Variants in CCDC171 observed in about 807,000 individuals in gnomAD.
CCDC171 encodes coiled-coil domain-containing protein 171.
CCDC171 carries 177 observed loss-of-function variants against 168.2 expected under a neutral mutation model. The ratio of observed to expected loss-of-function variants is 1.05; its 90% CI spans 0.93 to 1.19. The LOEUF (loss-of-function observed/expected upper bound fraction) is 1.19. CCDC171 is among the 50% of genes most tolerant of loss of function. The pLI is 0.00. For synonymous variants in CCDC171, 687 were observed against 540.8 expected (o/e 1.27, Z -3.75); for missense variants, 1,991 against 1,539.0 (o/e 1.29, Z -4.91).
Position 15,553,114 on chromosome 9 carries a change from T to A in CCDC171, c.-300T>A, listed in dbSNP as rs1332683446. On this transcript the variant is annotated 5_prime_UTR_variant, in exon 1 of 26. Coordinates refer to ENST00000380701, the MANE Select transcript of CCDC171 (RefSeq NM_173550.4). ...GGAAGTGGCAGTTGTAAACTTCACC[T>A]CCCGGGGGCTCTTCCCCTTCTGTAC... 6.6e-6 allele frequency: 1 copy of A among 152,508 alleles called. No individual in the cohort carries two copies. The highest frequency in any genetic ancestry group is 1.5e-5 in the Non-Finnish European group (1 of 68,310). 9.4% of individuals were successfully genotyped at this position (152,508 alleles called of 1,614,324 possible). A position where few individuals can be genotyped will look rare whatever the true frequency, so the allele number is the denominator to read the frequency against.
At chr9:16,071,572 A>C in the CCDC171 span, among the ~76,000 whole-genome samples, 1 of 152,164 alleles carries the variant, frequency 6.6e-6, no homozygotes, top group South Asian at 2.1e-4. Context: ...ATACATTCCC[A>C]CATGTGCGTC....
Position 15,740,597 on chromosome 9 carries a change from G to C in CCDC171, c.2050-3676G>C, listed in dbSNP as rs565983578. ...TTACAGGCCTGTGCCATCATGACTG[G>C]CTAATTGTTTTTTTGTATTTTAAGT... On this transcript the variant is annotated intron_variant, in intron 16 of 25. Transcript: ENST00000380701. Among the ~76,000 whole-genome samples, 35 of 152,134 alleles carry C rather than the reference G, an allele frequency of 2.3e-4. No individual in the cohort carries two copies. In the South Asian group the frequency reaches 6.4e-3, roughly 28 times the overall value.
At chr9:16,001,423 G>C (rs1832541756) in intron 3 of CCDC171, among the ~76,000 whole-genome samples, 1 of 151,984 alleles carries the variant, frequency 6.6e-6, no homozygotes, top group Admixed American at 6.6e-5. Context: ...TGTGTAGAGA[G>C]AGTTTTCTCA....
intron 16 of CCDC171, among the ~76,000 whole-genome samples, chr9:15,742,895 C>T (rs1025074514): frequency 2.0e-5 from 3 of 152,044 alleles, no homozygotes; most frequent in Non-Finnish European, 2.9e-5. Flanking sequence ...CACCTTCACC[C>T]TCTTGAGTAG....
At chr9:15,635,384 A>G (rs1184033811) in intron 7 of CCDC171, among the ~76,000 whole-genome samples, 2 of 152,194 alleles carry the variant, frequency 1.3e-5, no homozygotes, top group Admixed American at 6.5e-5. Context: ...TACTGTATAT[A>G]TATATAAATC....
At chr9:15,862,447 A>G (rs1588899084) in intron 23 of CCDC171, among the ~76,000 whole-genome samples, 2 of 151,626 alleles carry the variant, frequency 1.3e-5, no homozygotes, top group East Asian at 3.9e-4. Context: ...TTGTTCATGT[A>G]TTATTTTTCT....
At chr9:15,631,175 G>C (rs868653932) in intron 7 of CCDC171, among the ~76,000 whole-genome samples, 31 of 151,934 alleles carry the variant, frequency 2.0e-4, no homozygotes, top group Admixed American at 7.2e-4. Context: ...TAAAATCAGA[G>C]CAGAACTGAA....
At chr9:15,596,541 A>C (rs1051431311) in intron 6 of CCDC171, among the ~76,000 whole-genome samples, 1 of 152,076 alleles carries the variant, frequency 6.6e-6, no homozygotes, top group African/African-American at 2.4e-5. Flanking sequence ...TGTTTTGGTT[A>C]CTGTAGCCTT....
At chr9:15,645,016 C>G (rs1316642670) in intron 7 of CCDC171, among the ~76,000 whole-genome samples, 2 of 152,336 alleles carry the variant, frequency 1.3e-5, no homozygotes, top group African/African-American at 4.8e-5. Context: ...TGATGCCTCA[C>G]ACGGCTGGGT....
the CCDC171 span, among the ~76,000 whole-genome samples, chr9:16,102,202 G>T: frequency 0.018 from 2,774 of 152,266 alleles, 66 homozygotes; most frequent in African/African-American, 0.062. Flanking sequence ...CAGTCAAAGA[G>T]CAGGGCTAGA....
At chr9:16,000,081 T>G (rs1462633400) in intron 3 of CCDC171, among the ~76,000 whole-genome samples, 1 of 152,210 alleles carries the variant, frequency 6.6e-6, no homozygotes, top group Non-Finnish European at 1.5e-5. Context: ...GAAGCATTTT[T>G]TAACTGGATG....
At chr9:15,786,348 G>T (rs1232839367) in intron 21 of CCDC171, among the ~76,000 whole-genome samples, 2 of 151,796 alleles carry the variant, frequency 1.3e-5, no homozygotes, top group Non-Finnish European at 2.9e-5. Flanking sequence ...AATATTCATT[G>T]TGGAAAAATA....
At chr9:15,866,721 T>A (rs955272530) in intron 23 of CCDC171, among the ~76,000 whole-genome samples, 4 of 151,966 alleles carry the variant, frequency 2.6e-5, no homozygotes, top group Non-Finnish European at 4.4e-5. Flanking sequence ...GTATAGCAAT[T>A]GACAGGAGAA....
intron 25 of CCDC171, among the ~76,000 whole-genome samples, chr9:15,958,441 C>T (rs770308581): frequency 6.6e-6 from 1 of 151,052 alleles, no homozygotes; most frequent in African/African-American, 2.4e-5. Flanking sequence ...TAGTGCAGGT[C>T]TAAGCAAACA....
At chr9:15,900,716 T>A (rs1254950198) in intron 24 of CCDC171, among the ~76,000 whole-genome samples, 3 of 152,264 alleles carry the variant, frequency 2.0e-5, no homozygotes, top group African/African-American at 7.2e-5. Flanking sequence ...TACATCTGGG[T>A]GTGAGGGAAA....
At chr9:15,634,241 A>C (rs536225838) in intron 7 of CCDC171, among the ~76,000 whole-genome samples, 3 of 152,176 alleles carry the variant, frequency 2.0e-5, no homozygotes, top group Non-Finnish European at 4.4e-5. Flanking sequence ...ATTTTTTTTA[A>C]CTTTTAAAAA....
intron 24 of CCDC171, among the ~76,000 whole-genome samples, chr9:15,901,801 ATTTATT>A (rs1821706093): frequency 6.6e-6 from 1 of 152,176 alleles, no homozygotes; most frequent in Non-Finnish European, 1.5e-5. Context: ...ATCATTACTC[ATTTATT>A]TACTTTTGTG....
At chr9:15,874,475 A>G in intron 23 of CCDC171, 57 bp from the exon 24 acceptor site, 1 of 1,478,456 alleles carries the variant, frequency 6.8e-7, no homozygotes, top group African/African-American at 1.4e-5. Flanking sequence ...GACCCAGTTC[A>G]TCCCAGTTAA....
At chr9:15,925,974 G>C (rs1825850837) in intron 25 of CCDC171, among the ~76,000 whole-genome samples, 1 of 151,622 alleles carries the variant, frequency 6.6e-6, no homozygotes, top group Non-Finnish European at 1.5e-5. Flanking sequence ...TTGAGGTATG[G>C]AGACAGAGGT....
Sources: gnomAD v4.1 joint callset for allele counts (sites outside exome capture counted in the v4.1 genomes callset) on GRCh38, gnomAD v4.1.1 for gene constraint, MANE v1.5 for transcripts, NCBI Gene and HGNC (gene_info 2026-07-23, HGNC 2026-07-21) for gene names.